PIAS1: variants seen among roughly 807,000 people sequenced by gnomAD.
The protein encoded by PIAS1 is E3 SUMO-protein ligase PIAS1.
A neutral mutation model predicts 71.3 loss-of-function variants in PIAS1; 6 were observed. The observed-to-expected ratio is 0.08, with a 90% CI of 0.05 to 0.17. PIAS1 has a LOEUF of 0.17. Among genes scored for constraint, PIAS1 ranks in the 10% least tolerant of loss-of-function variants. PIAS1 has a pLI of 1.00. For synonymous variants in PIAS1, 303 were observed against 292.9 expected, an observed-to-expected ratio of 1.03 and a Z score of -0.35; for missense variants, 555 against 793.6, an observed-to-expected ratio of 0.70 and a Z score of 3.61.
chr15:68,104,245 G>A (rs955072051), intron 2 of PIAS1, among the ~76,000 whole-genome samples: 1 of 152,050 alleles, frequency 6.6e-6, no homozygotes, highest in East Asian at 1.9e-4. Flanking sequence ...TTATGCTAAC[G>A]TTGTTACATT....
chr15:68,077,402 G>GT (rs1300976800), intron 1 of PIAS1, among the ~76,000 whole-genome samples: 1 of 152,222 alleles, frequency 6.6e-6, no homozygotes, highest in African/African-American at 2.4e-5. Flanking sequence ...GGTCTAGCTA[G>GT]TTGAAGGAAA....
At chr15:68,133,397 A>G (rs1219015427) in intron 2 of PIAS1, among the ~76,000 whole-genome samples, 1 of 152,154 alleles carries the variant, frequency 6.6e-6, no homozygotes, top group Non-Finnish European at 1.5e-5. Flanking sequence ...AGCTTTAAAA[A>G]TCATAACAAA....
At chr15:68,118,675 G>A (rs546873946) in intron 2 of PIAS1, among the ~76,000 whole-genome samples, 14 of 152,258 alleles carry the variant, frequency 9.2e-5, no homozygotes, top group Admixed American at 6.5e-4. Flanking sequence ...ATTCTAACTG[G>A]AGTGAGGTGA....
chr15:68,153,608 T>A lies in PIAS1; in HGVS notation c.847T>A (p.Tyr283Asn). Residue 283 changes from tyrosine (Y) to asparagine (N), a missense_variant, in exon 7 of 14, where the codon TAT (tyrosine) becomes AAT (asparagine). Tyr to Asn is a moderately radical substitution (Grantham distance 143). Coordinates refer to ENST00000249636, the MANE Select transcript of PIAS1 (RefSeq NM_016166.3). ...EIGRNYSMAV[Y>N]LVKQLSSTVL... ...TTTCCAGAACTATTCCATGGCAGTA[T>A]ATCTTGTAAAACAGTTGTCCTCAAC... is the stretch of plus-strand genomic sequence containing the variant. The A allele has an allele frequency of 6.4e-7, 1 of 1,551,712 alleles. No individual in the cohort carries two copies. The highest frequency in any genetic ancestry group is 1.4e-5 in the African/African-American group (1 of 73,656).
At chr15:68,123,842 T>C (rs935745045) in intron 2 of PIAS1, among the ~76,000 whole-genome samples, 6 of 152,200 alleles carry the variant, frequency 3.9e-5, no homozygotes, top group Admixed American at 1.3e-4. Context: ...CCTTCACTAC[T>C]GCTATGCTTC....
At chr15:68,119,387 G>T (rs1003783875) in intron 2 of PIAS1, among the ~76,000 whole-genome samples, 1 of 151,722 alleles carries the variant, frequency 6.6e-6, no homozygotes, top group Non-Finnish European at 1.5e-5. Flanking sequence ...TGAGGTTGCA[G>T]TGAGCCAAGA....
intron 6 of PIAS1, among the ~76,000 whole-genome samples, chr15:68,147,789 T>C (rs2092818678): frequency 6.6e-6 from 1 of 152,224 alleles, no homozygotes. Context: ...TAGCTGGTTC[T>C]AACACTGTTA....
rs1224947330 is a variant in PIAS1, at chr15:68,178,279, T to A, written c.1481+1625T>A. On this transcript the variant is annotated intron_variant, in intron 11 of 13. Coordinates refer to ENST00000249636, the MANE Select transcript of PIAS1 (RefSeq NM_016166.3). This position sits in a 1 kb window ranked among gnomAD's most constrained non-coding sequence, Gnocchi z 4.2. ...AATGAGACCCCATCTCAAAAAAAAA[T>A]AAGATTTCAGTCAAACATTTCACAC... Among the ~76,000 whole-genome samples, 1 of 151,884 alleles carries A rather than the reference T, an allele frequency of 6.6e-6. No homozygotes were observed. The highest frequency in any genetic ancestry group is 2.1e-4 in the South Asian group (1 of 4,816).
rs140145159 is a variant in PIAS1, at chr15:68,068,804, C to T, written c.24+14454C>T. Among the ~76,000 whole-genome samples, 39 of 151,570 alleles carry T rather than the reference C, an allele frequency of 2.6e-4. 1 individual carries two copies. In the East Asian group the frequency reaches 3.3e-3, roughly 13 times the overall value. The stretch of plus-strand genomic sequence containing the variant: ...GCTTATGTGTCAATGCTCTCATCCA[C>T]GAAGAAGTTGAATCGTCAGAGTTAT... On this transcript the variant is annotated intron_variant, in intron 1 of 13. Transcript: ENST00000249636.
intron 2 of PIAS1, chr15:68,088,027 G>T (rs2092298427): frequency 4.3e-6 from 1 of 233,124 alleles, no homozygotes; most frequent in African/African-American, 2.3e-5. Context: ...TTCCTTGTTA[G>T]CTGTTTAGTG....
At position 68,193,552 on chromosome 15, in the gene PIAS1, T is replaced by A. The variant is rs1384419319; in HGVS notation, c.*5717T>A. Reference sequence around the variant, plus strand: ...TTCATCTTGGAAAATCTTGGAAATATGGAAGATGGTTCTAGCCCCCAAATA... The same window carrying A: ...TTCATCTTGGAAAATCTTGGAAATAAGGAAGATGGTTCTAGCCCCCAAATA... On this transcript the variant is annotated 3_prime_UTR_variant, in exon 14 of 14. Transcript: ENST00000249636. 6.5e-6 allele frequency: 1 copy of A among 153,764 alleles called. No individual in the cohort carries two copies. Among genetic ancestry groups the A allele is most frequent in the African/African-American group, 2.4e-5 (1 of 41,496 alleles). The allele number at this position is 153,764 out of a possible 1,614,324, so 9.5% of individuals were successfully genotyped here. A position where few individuals can be genotyped will look rare whatever the true frequency, so the allele number is the denominator to read the frequency against.
At chr15:68,126,888 A>G (rs1423199324) in intron 2 of PIAS1, among the ~76,000 whole-genome samples, 2 of 150,026 alleles carry the variant, frequency 1.3e-5, no homozygotes, top group Non-Finnish European at 3.0e-5. Context: ...CTTTCCTCTG[A>G]TACTTAGTCG....
intron 8 of PIAS1, among the ~76,000 whole-genome samples, chr15:68,165,902 G>C (rs533249976): frequency 1.3e-5 from 2 of 152,106 alleles, no homozygotes; most frequent in African/African-American, 2.4e-5. Context: ...TGATTGTTCA[G>C]ACAGGCCTGA....
At chr15:68,097,639 G>A (rs2092388149) in intron 2 of PIAS1, among the ~76,000 whole-genome samples, 1 of 152,024 alleles carries the variant, frequency 6.6e-6, no homozygotes, top group African/African-American at 2.4e-5. Context: ...CCCCACATTG[G>A]CCAGGCTGGT....
At chr15:68,089,753 A>C (rs986842390) in intron 2 of PIAS1, among the ~76,000 whole-genome samples, 2 of 151,964 alleles carry the variant, frequency 1.3e-5, no homozygotes, top group Non-Finnish European at 2.9e-5. Flanking sequence ...ATAGGGTTTC[A>C]CCATGTTGGC....
At chr15:68,126,032 G>GC (rs2092648318) in intron 2 of PIAS1, among the ~76,000 whole-genome samples, 1 of 151,836 alleles carries the variant, frequency 6.6e-6, no homozygotes, top group Admixed American at 6.6e-5. Flanking sequence ...ACCTGTTCTT[G>GC]CCCCACCTCT....
chr15:68,187,599 C>T lies in PIAS1; in HGVS notation c.1720C>T (p.Leu574Phe), dbSNP rs757911092. Reference sequence around the variant, plus strand: ...AGCAGCAGTTTCAGATGATCAAGACCTCCTACACTCGTCTCGGTTTTTCCC... The same window carrying T: ...AGCAGCAGTTTCAGATGATCAAGACTTCCTACACTCGTCTCGGTTTTTCCC... The part of the protein sequence containing the change: ...AAAAVSDDQD[L>F]LHSSRFFPYT... The change falls in exon 14 of 14, where the codon CTC (leucine) becomes TTC (phenylalanine). Residue 574 changes from leucine to phenylalanine, a missense_variant. Around this residue, in one of 5 missense-constraint regions of PIAS1, gnomAD observed 244 missense variants for 307.5 expected, o/e 0.79. Transcript: ENST00000249636. The surrounding 1 kb of genome is among the most constrained non-coding windows in gnomAD (Gnocchi z 5.3). The T allele has an allele frequency of 6.2e-7, 1 of 1,613,986 alleles. No individual in the cohort carries two copies. The highest frequency in any genetic ancestry group is 1.7e-5 in the Admixed American group (1 of 60,026).
At chr15:68,162,455 G>A (rs2092930414) in intron 7 of PIAS1, among the ~76,000 whole-genome samples, 1 of 152,076 alleles carries the variant, frequency 6.6e-6, no homozygotes, top group East Asian at 1.9e-4. Context: ...AACTCTAGGA[G>A]GGGAAGGAGA....
In PIAS1 at chr15:68,187,709, C is replaced by T; in HGVS notation, c.1830C>T (p.Gly610=). The change falls in exon 14 of 14, where the codon GGC becomes GGT. Residue 610 remains glycine (G), a synonymous_variant. Coordinates refer to ENST00000249636, the MANE Select transcript of PIAS1 (RefSeq NM_016166.3). This position sits in a 1 kb window ranked among gnomAD's most constrained non-coding sequence, Gnocchi z 5.3. ...CAACCACCAATGGAAGCAGTAGTGG[C>T]AGTAACAGCAGCCTGGTTTCTTCCA... ...SLPTTNGSSS[G]SNSSLVSSNS... The T allele has an allele frequency of 6.2e-7, 1 of 1,613,986 alleles. No homozygotes were observed. Among genetic ancestry groups the T allele is most frequent in the Non-Finnish European group, 8.5e-7 (1 of 1,179,864 alleles).
Sources: allele counts gnomAD v4.1 joint callset (sites outside exome capture counted in the v4.1 genomes callset), GRCh38; gene constraint gnomAD v4.1.1; regional missense constraint gnomAD v4.1.1; non-coding constraint Gnocchi (gnomAD v3.1); transcripts MANE v1.5; gene names NCBI Gene and HGNC (gene_info 2026-07-23, HGNC 2026-07-21).